The following FXYD6 variants were observed in gnomAD, a reference collection of about 807,000 sequenced individuals.
The protein encoded by FXYD6 is FXYD domain containing ion transport regulator 6.
A neutral mutation model predicts 16.7 loss-of-function variants in FXYD6; 7 were observed. The observed-to-expected ratio is 0.42, with a 90% CI of 0.24 to 0.79. FXYD6 has a LOEUF of 0.79. Ranked by LOEUF, FXYD6 falls within the 30% of genes least tolerant of loss-of-function variation. The probability of loss-of-function intolerance (pLI) is 0.28; values close to 1 mark genes in which losing one functional copy is unlikely to be tolerated. For synonymous variants in FXYD6, 49 were observed against 43.0 expected (o/e 1.14, Z -0.54); for missense variants, 111 against 116.2 (o/e 0.95, Z 0.21).
chr11:117,837,615 G>A lies in FXYD6; in HGVS notation c.*684C>T, dbSNP rs2056229563. The A allele has an allele frequency of 1.3e-5, 2 of 152,986 alleles. No individual in the cohort carries two copies. The highest frequency in any genetic ancestry group is 6.5e-5 in the Admixed American group (1 of 15,434). The allele number at this position is 152,986 out of a possible 1,614,324, so 9.5% of individuals were successfully genotyped here. ...AAGCCCCTGGGAAGAAATTAACCAC[G>A]GAAGGGCATAGCCTGCCTGACGTCA... On this transcript the variant is annotated 3_prime_UTR_variant, in exon 8 of 8. Coordinates refer to ENST00000526014, the MANE Select transcript of FXYD6 (RefSeq NM_022003.4). The surrounding 1 kb of genome is among the most constrained non-coding windows in gnomAD (Gnocchi z 4.4).
chr11:117,856,656 T>C (rs1041212768), intron 1 of FXYD6, among the ~76,000 whole-genome samples: 2 of 152,226 alleles, frequency 1.3e-5, no homozygotes, highest in Non-Finnish European at 2.9e-5. Flanking sequence ...TGATTTAGCC[T>C]ATGACGTATC....
upstream of FXYD6, chr11:117,876,998 G>T (rs1398976771): frequency 2.0e-5 from 3 of 152,288 alleles, no homozygotes; most frequent in Non-Finnish European, 2.9e-5. Flanking sequence ...GCAAGCGCCG[G>T]AGCGGATTTG....
intron 1 of FXYD6, among the ~76,000 whole-genome samples, chr11:117,856,560 G>A (rs1391363446): frequency 6.6e-6 from 1 of 152,098 alleles, no homozygotes; most frequent in Non-Finnish European, 1.5e-5. Flanking sequence ...TCCCGGAATG[G>A]GGCCTTTTAT....
At chr11:117,875,353 T>C (rs2057234163) in intron 1 of FXYD6, among the ~76,000 whole-genome samples, 2 of 151,826 alleles carry the variant, frequency 1.3e-5, no homozygotes, top group African/African-American at 4.8e-5. Flanking sequence ...GCCACTGCAA[T>C]TGGGTGTAGG....
chr11:117,848,487 C>A (rs572083204), intron 1 of FXYD6, among the ~76,000 whole-genome samples: 1 of 150,932 alleles, frequency 6.6e-6, no homozygotes, highest in Non-Finnish European at 1.5e-5. Flanking sequence ...TGAGATTGGT[C>A]TGCAGTTTTT....
chr11:117,844,092 C>T (rs1340424777), intron 1 of FXYD6: 1 of 152,450 alleles, frequency 6.6e-6, no homozygotes, highest in African/African-American at 2.4e-5. Context: ...CCCTGATTGC[C>T]CCCAGCACGG....
intron 1 of FXYD6, among the ~76,000 whole-genome samples, chr11:117,858,713 C>T (rs1565323839): frequency 1.5e-3 from 134 of 89,684 alleles, no homozygotes; most frequent in Non-Finnish European, 2.2e-3. Context: ...CTCTCTCTCT[C>T]TCCTTCCTTC....
rs1311090395 is a variant in FXYD6, at chr11:117,841,258, G to A, written c.173-74C>T. On this transcript the variant is annotated intron_variant, in intron 4 of 7. Coordinates refer to ENST00000526014, the MANE Select transcript of FXYD6 (RefSeq NM_022003.4). ...GCAGGGCCAAGGGTCTGTGCAGGTT[G>A]TGGGACTATGTAAATGGCACCCCCT... is the stretch of plus-strand genomic sequence containing the variant. 4.4e-6 allele frequency: 7 copies of A among 1,604,466 alleles called. No homozygotes were observed. The African/African-American group carries it at 8.0e-5, about 18-fold the overall frequency.
chr11:117,871,325 G>A (rs2057130647), intron 1 of FXYD6, among the ~76,000 whole-genome samples: 1 of 152,150 alleles, frequency 6.6e-6, no homozygotes, highest in South Asian at 2.1e-4. Context: ...TACACCTCCT[G>A]GTGATGAGGA....
At chr11:117,856,205 T>C (rs1055674549) in intron 1 of FXYD6, among the ~76,000 whole-genome samples, 1 of 152,202 alleles carries the variant, frequency 6.6e-6, no homozygotes, top group South Asian at 2.1e-4. Flanking sequence ...GGGTAAAAAC[T>C]GCTCAGAAAG....
intron 4 of FXYD6, 118 bp downstream of exon 4, chr11:117,841,673 G>T: frequency 8.9e-7 from 1 of 1,119,352 alleles, no homozygotes; most frequent in Non-Finnish European, 1.3e-6. Context: ...ATAACACGGA[G>T]GGCAGGCAGC....
chr11:117,848,047 A>G (rs1303516565), intron 1 of FXYD6, among the ~76,000 whole-genome samples: 1 of 152,180 alleles, frequency 6.6e-6, no homozygotes, highest in Non-Finnish European at 1.5e-5. Flanking sequence ...CTTTTTAATG[A>G]TCGCCATTCT....
Position 117,841,639 on chromosome 11 carries a change from C to T in FXYD6, c.172+152G>A, listed in dbSNP as rs2056346527. ...GTTTTACTGAGCACTTACTATGTGCCCAGCACTCTACTGGGTCGTGAAGAT... is the reference window on the plus strand; with the variant it reads ...GTTTTACTGAGCACTTACTATGTGCTCAGCACTCTACTGGGTCGTGAAGAT... On this transcript the variant is annotated intron_variant, in intron 4 of 7. Transcript: ENST00000526014. 4 of 756,242 alleles carry T rather than the reference C, an allele frequency of 5.3e-6. No individual in the cohort carries two copies. In the East Asian group the frequency reaches 1.0e-4, roughly 20 times the overall value. 46.8% of individuals were successfully genotyped at this position (756,242 alleles called of 1,614,324 possible).
In FXYD6 at chr11:117,870,842, A is replaced by G. The variant is rs892745315; in HGVS notation, c.-6+5750T>C. ...AGGGCTGTCACCAGTGTATGCCCCC[A>G]TCACACCATAGCTCCCTGGGAGCAC... On this transcript the variant is annotated intron_variant, in intron 1 of 7. Coordinates refer to ENST00000526014, the MANE Select transcript of FXYD6 (RefSeq NM_022003.4). This position sits in a 1 kb window ranked among gnomAD's most constrained non-coding sequence, Gnocchi z 4.2. 2.6e-5 allele frequency among the ~76,000 whole-genome samples: 4 copies of G among 151,990 alleles called. No individual in the cohort carries two copies. The highest frequency in any genetic ancestry group is 4.4e-5 in the Non-Finnish European group (3 of 68,000).
At chr11:117,847,827 G>A (rs111929660) in intron 1 of FXYD6, among the ~76,000 whole-genome samples, 1,693 of 152,224 alleles carry the variant, frequency 0.011, 30 homozygotes, top group African/African-American at 0.039. Flanking sequence ...ATAAACATAC[G>A]TGTGCATGTG....
chr11:117,846,543 T>C (rs896415760), intron 1 of FXYD6, among the ~76,000 whole-genome samples: 1 of 152,218 alleles, frequency 6.6e-6, no homozygotes, highest in Admixed American at 6.5e-5. Flanking sequence ...CTGATGTTTG[T>C]GTATGGTGTG....
chr11:117,863,035 T>A (rs929135209), intron 1 of FXYD6, among the ~76,000 whole-genome samples: 2 of 152,222 alleles, frequency 1.3e-5, no homozygotes, highest in Non-Finnish European at 2.9e-5. Context: ...ATTACAAGCA[T>A]TAGCTCAAAG....
At chr11:117,859,703 T>A (rs1362660210) in intron 1 of FXYD6, among the ~76,000 whole-genome samples, 1 of 152,160 alleles carries the variant, frequency 6.6e-6, no homozygotes, top group Non-Finnish European at 1.5e-5. Context: ...AAGCTCTTGC[T>A]TAGCACAAAT....
Position 117,872,666 on chromosome 11 carries a change from C to T in FXYD6, c.-6+3926G>A, listed in dbSNP as rs936063163. Among the ~76,000 whole-genome samples the T allele has an allele frequency of 5.3e-5, 8 of 152,210 alleles. No homozygotes were observed. Among genetic ancestry groups the T allele is most frequent in the Non-Finnish European group, 1.2e-4 (8 of 68,028 alleles). On this transcript the variant is annotated intron_variant, in intron 1 of 7. Transcript: ENST00000526014. The surrounding 1 kb of genome is among the most constrained non-coding windows in gnomAD (Gnocchi z 4.9). ...AGCTGGGGCAGCCCCATTCCCATGGCCCCAGCCTGGTCCGTGGGGGCCCAG... is the reference window on the plus strand; with the variant it reads ...AGCTGGGGCAGCCCCATTCCCATGGTCCCAGCCTGGTCCGTGGGGGCCCAG...
Sources: gnomAD v4.1 joint callset for allele counts (sites outside exome capture counted in the v4.1 genomes callset) on GRCh38, gnomAD v4.1.1 for gene constraint, Gnocchi (gnomAD v3.1) non-coding constraint, MANE v1.5 for transcripts, NCBI Gene and HGNC (gene_info 2026-07-23, HGNC 2026-07-21) for gene names.